The following CA12 variants were observed in gnomAD, a reference collection of about 807,000 sequenced individuals.
CA12 encodes the protein carbonic anhydrase 12, also known as carbonate dehydratase XII.
CA12 carries 36 observed loss-of-function variants against 46.8 expected under a neutral mutation model. The observed-to-expected ratio is 0.77, with a 90% CI of 0.59 to 1.02. The LOEUF (loss-of-function observed/expected upper bound fraction) is 1.02, where lower values mean the gene tolerates loss of function less well. CA12 is among the 50% of genes least tolerant of loss of function. The pLI is 0.00. For synonymous variants in CA12, 202 were observed against 187.0 expected (o/e 1.08, Z -0.65); for missense variants, 436 against 451.4 (o/e 0.97, Z 0.31).
At position 63,373,193 on chromosome 15, in the gene CA12, C is replaced by T. The variant is rs2039528731; in HGVS notation, c.106+2465G>A. 6.6e-6 allele frequency among the ~76,000 whole-genome samples: 1 copy of T among 152,054 alleles called. No individual in the cohort carries two copies. Among genetic ancestry groups the T allele is most frequent in the Admixed American group, 6.5e-5 (1 of 15,270 alleles). ...CAGCCTGGCCATCATGGTGAAACCC[C>T]ATCTCTAATAAAAATACAGAAATTA... On this transcript the variant is annotated intron_variant, in intron 2 of 10. Coordinates refer to ENST00000178638, the MANE Select transcript of CA12 (RefSeq NM_001218.5). The surrounding 1 kb of genome is among the most constrained non-coding windows in gnomAD (Gnocchi z 4.9).
intron 2 of CA12, among the ~76,000 whole-genome samples, chr15:63,360,957 G>C (rs2039354541): frequency 6.6e-6 from 1 of 152,226 alleles, no homozygotes; most frequent in Admixed American, 6.5e-5. Flanking sequence ...GGGAGAATAA[G>C]CGAATCGGTG....
chr15:63,338,432 G>T (rs1459986957), intron 8 of CA12, among the ~76,000 whole-genome samples: 1 of 152,176 alleles, frequency 6.6e-6, no homozygotes, highest in Non-Finnish European at 1.5e-5. Context: ...AGCCTTTGAT[G>T]CCAAGAAAGC....
At chr15:63,338,733 C>G (rs1397796255) in intron 8 of CA12, 86 bp downstream of exon 8, 2 of 1,568,992 alleles carry the variant, frequency 1.3e-6, no homozygotes, top group Non-Finnish European at 1.7e-6. Flanking sequence ...TTGAGGGCAT[C>G]AGTGCCAGAG....
chr15:63,326,266 C>G lies in CA12; in HGVS notation c.*19G>C, dbSNP rs188698859. 1 of 1,609,280 alleles carries G rather than the reference C, an allele frequency of 6.2e-7. No individual in the cohort carries two copies. The highest frequency in any genetic ancestry group is 8.5e-7 in the Non-Finnish European group (1 of 1,175,820). ...CAAAGCAAGGTCCTTCCTGGATGTG[C>G]CCGGGAGCTCCGGGGACCTCAAGCG... On this transcript the variant is annotated 3_prime_UTR_variant, in exon 11 of 11. Coordinates refer to ENST00000178638, the MANE Select transcript of CA12 (RefSeq NM_001218.5).
intron 2 of CA12, among the ~76,000 whole-genome samples, chr15:63,360,850 T>C (rs1210730660): frequency 6.6e-6 from 1 of 152,232 alleles, no homozygotes; most frequent in Non-Finnish European, 1.5e-5. Context: ...CCTGCTTATA[T>C]GTCTACCTCC....
chr15:63,330,522 T>A lies in CA12; in HGVS notation c.875-2392A>T, dbSNP rs2152610594. ...TACCACCTGGCTAAGCCATCCAGGC[T>A]GGATGGTTTCTAAAGTCATCTCTTT... On this transcript the variant is annotated intron_variant, in intron 8 of 10. Coordinates refer to ENST00000178638, the MANE Select transcript of CA12 (RefSeq NM_001218.5). This position sits in a 1 kb window ranked among gnomAD's most constrained non-coding sequence, Gnocchi z 4.0. 1.3e-5 allele frequency among the ~76,000 whole-genome samples: 2 copies of A among 152,330 alleles called. No homozygotes were observed. Among genetic ancestry groups the A allele is most frequent in the East Asian group, 3.9e-4 (2 of 5,184 alleles).
chr15:63,335,442 T>C (rs1294611678), intron 8 of CA12, among the ~76,000 whole-genome samples: 1 of 151,778 alleles, frequency 6.6e-6, no homozygotes, highest in East Asian at 1.9e-4. Context: ...CTTTCTCTCA[T>C]AGGGAATTTT....
rs1422565757 is a variant in CA12, at chr15:63,333,394, T to C, written c.875-5264A>G. 2.0e-5 allele frequency among the ~76,000 whole-genome samples: 3 copies of C among 152,314 alleles called. No individual in the cohort carries two copies. The East Asian group carries it at 5.8e-4, about 29-fold the overall frequency. The stretch of plus-strand genomic sequence containing the variant: ...CCACCATGGGGTTTTCTGTCCCCCA[T>C]AGCGCATAACTCGGACTGTGCTCGG... On this transcript the variant is annotated intron_variant, in intron 8 of 10. Coordinates refer to ENST00000178638, the MANE Select transcript of CA12 (RefSeq NM_001218.5).
intron 4 of CA12, among the ~76,000 whole-genome samples, chr15:63,342,966 A>G (rs1360767149): frequency 3.3e-5 from 5 of 152,154 alleles, no homozygotes; most frequent in African/African-American, 4.8e-5. Flanking sequence ...CTTAAAAAAA[A>G]TTATATATCA....
chr15:63,360,963 C>T (rs1209931525), intron 2 of CA12, among the ~76,000 whole-genome samples: 1 of 152,178 alleles, frequency 6.6e-6, no homozygotes, highest in Admixed American at 6.5e-5. Flanking sequence ...ATAAGCGAAT[C>T]GGTGAATAAA....
At chr15:63,353,118 A>G (rs2039254372) in intron 2 of CA12, among the ~76,000 whole-genome samples, 1 of 152,272 alleles carries the variant, frequency 6.6e-6, no homozygotes, top group East Asian at 1.9e-4. Flanking sequence ...CCAGTGTAAG[A>G]GACTGATAAT....
rs57210378 is a variant in CA12 at position 63,328,338 on chromosome 15, CT to C, written c.875-209del. 0.072 allele frequency among the ~76,000 whole-genome samples: 10,152 copies of C among 140,272 alleles called. 262 individuals carry two copies. The highest frequency in any genetic ancestry group is 0.094 in the Middle Eastern group (25 of 266). The allele number at this position is 140,272 out of a possible 152,430, so 92.0% of individuals were successfully genotyped here. The stretch of plus-strand genomic sequence containing the variant: ...ACTGCAATCCCTCCTTCCGATGCTC[CT>C]TTTTTTTTTTTTTTTGAGATGGAAT... On this transcript the variant is annotated intron_variant, in intron 8 of 10. Transcript: ENST00000178638. The surrounding 1 kb of genome is among the most constrained non-coding windows in gnomAD (Gnocchi z 5.9).
In CA12 at chr15:63,341,722, A is replaced by G. The variant is rs1313304771; in HGVS notation, c.525+280T>C. Among the ~76,000 whole-genome samples, 1 of 152,148 alleles carries G rather than the reference A, an allele frequency of 6.6e-6. No individual in the cohort carries two copies. The highest frequency in any genetic ancestry group is 1.5e-5 in the Non-Finnish European group (1 of 68,012). On this transcript the variant is annotated intron_variant, in intron 5 of 10. Coordinates refer to ENST00000178638, the MANE Select transcript of CA12 (RefSeq NM_001218.5). This position sits in a 1 kb window ranked among gnomAD's most constrained non-coding sequence, Gnocchi z 5.2. Reference sequence around the variant, plus strand: ...CCCTTTCCAGCACAGGTCCTCCCCAACTGGGCAATTCCATGCCTTATGCAA... The same window carrying G: ...CCCTTTCCAGCACAGGTCCTCCCCAGCTGGGCAATTCCATGCCTTATGCAA...
In CA12 at chr15:63,328,092, A is replaced by T. The variant is rs747119438; in HGVS notation, c.907+6T>A. ...AGCATGCACGGCTGGCTGCCCAGCC[A>T]CATACCCAGACTCAGTCCTGCCGCA... On this transcript the variant is annotated splice_donor_region_variant and intron_variant, in intron 9 of 10. Transcript: ENST00000178638. The surrounding 1 kb of genome is among the most constrained non-coding windows in gnomAD (Gnocchi z 5.9). The T allele has an allele frequency of 1.9e-5, 31 of 1,613,822 alleles. No individual in the cohort carries two copies. In the Admixed American group the frequency reaches 5.2e-4, roughly 27 times the overall value.
At position 63,378,508 on chromosome 15, in the gene CA12, A is replaced by T. The variant is rs1242303809; in HGVS notation, c.86-2830T>A. Among the ~76,000 whole-genome samples, 1 of 152,046 alleles carries T rather than the reference A, an allele frequency of 6.6e-6. No individual in the cohort carries two copies. Among genetic ancestry groups the T allele is most frequent in the Non-Finnish European group, 1.5e-5 (1 of 68,004 alleles). On this transcript the variant is annotated intron_variant, in intron 1 of 10. Coordinates refer to ENST00000178638, the MANE Select transcript of CA12 (RefSeq NM_001218.5). The surrounding 1 kb of genome is among the most constrained non-coding windows in gnomAD (Gnocchi z 4.8). ...TTGAGAGTTGAGGGTCCCAAGATCA[A>T]CCTCCCTTGAATTAGTAATTAGACA...
chr15:63,350,872 T>A (rs544161000), intron 2 of CA12, among the ~76,000 whole-genome samples: 1 of 152,328 alleles, frequency 6.6e-6, no homozygotes, highest in South Asian at 2.1e-4. Context: ...CATTCTCCCC[T>A]TATCTACCTG....
chr15:63,372,075 A>G lies in CA12; in HGVS notation c.106+3583T>C, dbSNP rs1299241140. On this transcript the variant is annotated intron_variant, in intron 2 of 10. Coordinates refer to ENST00000178638, the MANE Select transcript of CA12 (RefSeq NM_001218.5). This position sits in a 1 kb window ranked among gnomAD's most constrained non-coding sequence, Gnocchi z 4.5. ...ACACCAAGGACCTGAACGTGCCCACAACCCTTCCTGCCTCCTTCCGGTCAT... is the reference window on the plus strand; with the variant it reads ...ACACCAAGGACCTGAACGTGCCCACGACCCTTCCTGCCTCCTTCCGGTCAT... Among the ~76,000 whole-genome samples, 1 of 152,192 alleles carries G rather than the reference A, an allele frequency of 6.6e-6. No homozygotes were observed. Among genetic ancestry groups the G allele is most frequent in the Non-Finnish European group, 1.5e-5 (1 of 68,030 alleles).
intron 2 of CA12, among the ~76,000 whole-genome samples, chr15:63,351,951 GT>G (rs140894523): frequency 6.6e-6 from 1 of 152,172 alleles, no homozygotes; most frequent in Non-Finnish European, 1.5e-5. Context: ...GATGTGGAGG[GT>G]TTTTTTAAGC....
At position 63,340,622 on chromosome 15, in the gene CA12, A is replaced by G. The variant is rs1319356518; in HGVS notation, c.589+98T>C. 32 of 1,415,968 alleles carry G rather than the reference A, an allele frequency of 2.3e-5. No individual in the cohort carries two copies. Among genetic ancestry groups the G allele is most frequent in the Non-Finnish European group, 3.1e-5 (31 of 1,000,132 alleles). The allele number at this position is 1,415,968 out of a possible 1,614,324, so 87.7% of individuals were successfully genotyped here. On this transcript the variant is annotated intron_variant, in intron 6 of 10. Transcript: ENST00000178638. The surrounding 1 kb of genome is among the most constrained non-coding windows in gnomAD (Gnocchi z 4.4). ...GCTGCTCTTAACCTGGTGAACACAG[A>G]CAGCACCTGCCCCTTGTGTTTGCTT...
Sources: allele counts gnomAD v4.1 joint callset (sites outside exome capture counted in the v4.1 genomes callset), GRCh38; gene constraint gnomAD v4.1.1; non-coding constraint Gnocchi (gnomAD v3.1); transcripts MANE v1.5; gene names NCBI Gene and HGNC (gene_info 2026-07-23, HGNC 2026-07-21).